The following EPC2 variants were observed in gnomAD, a reference collection of about 807,000 sequenced individuals.
EPC2 encodes enhancer of polycomb homolog 2.
In EPC2, 14 loss-of-function variants were observed where a neutral mutation model predicts 92.1. The observed-to-expected ratio is 0.15, with a 90% confidence interval of 0.10 to 0.24. EPC2 has a LOEUF of 0.24. EPC2 is among the 10% of genes least tolerant of loss of function. The pLI is 1.00. For missense variants in EPC2, 755 were observed against 971.5 expected (o/e 0.78, Z 2.96); for synonymous variants, 340 against 334.7 (o/e 1.02, Z -0.17).
intron 2 of EPC2, among the ~76,000 whole-genome samples, chr2:148,717,448 T>A (rs1682283516): frequency 6.6e-6 from 1 of 152,206 alleles, no homozygotes; most frequent in Non-Finnish European, 1.5e-5. Context: ...GTATCTTTGT[T>A]CTCATTAGTT....
At chr2:148,776,856 C>CTCTCTTTTTTTTTTTTTTTTTTTTTTTTT (rs1247135854) in intron 10 of EPC2, among the ~76,000 whole-genome samples, 2 of 101,042 alleles carry the variant, frequency 2.0e-5, no homozygotes, top group African/African-American at 7.4e-5. Context: ...GTCTCTCTCT[C>CTCTCTTTTTTTTTTTTTTTTTTTTTTTTT]TTTTTTTTTT....
intron 1 of EPC2, among the ~76,000 whole-genome samples, chr2:148,655,146 G>A (rs1474832473): frequency 6.6e-6 from 1 of 152,216 alleles, no homozygotes; most frequent in Non-Finnish European, 1.5e-5. Flanking sequence ...GGTTGTATGA[G>A]ACGGTCACTG....
intron 7 of EPC2, among the ~76,000 whole-genome samples, chr2:148,766,228 T>C (rs1683405603): frequency 6.6e-6 from 1 of 152,252 alleles, no homozygotes; most frequent in Non-Finnish European, 1.5e-5. Flanking sequence ...AAACTTTCTT[T>C]TAAAAACCAA....
In EPC2 at chr2:148,690,325, T is replaced by G; in HGVS notation, c.265T>G (p.Leu89Val). 1 of 1,611,976 alleles carries G rather than the reference T, an allele frequency of 6.2e-7. No individual in the cohort carries two copies. The highest frequency in any genetic ancestry group is 8.5e-7 in the Non-Finnish European group (1 of 1,179,300). Reference protein sequence around the residue: ...AESNVNYYNRLYKGEFKQPKQ... With the variant: ...AESNVNYYNRVYKGEFKQPKQ... Reference sequence around the variant, plus strand: ...GAGCAACGTCAACTATTACAATCGCTTGTACAAAGGAGAGTTTAAACAGCC... The same window carrying G: ...GAGCAACGTCAACTATTACAATCGCGTGTACAAAGGAGAGTTTAAACAGCC... The change falls in exon 2 of 14, where the codon TTG (leucine) becomes GTG (valine). Residue 89 changes from leucine (L) to valine (V), a missense_variant. By Grantham distance (32) the Leu-to-Val change is conservative. Transcript: ENST00000258484.
intron 2 of EPC2, among the ~76,000 whole-genome samples, chr2:148,697,013 T>C (rs1681760879): frequency 6.6e-6 from 1 of 152,252 alleles, no homozygotes; most frequent in Non-Finnish European, 1.5e-5. Flanking sequence ...TACATCCTGT[T>C]ATGGTTTGCA....
intron 1 of EPC2, among the ~76,000 whole-genome samples, chr2:148,670,735 C>T (rs951163095): frequency 1.8e-4 from 27 of 152,206 alleles, no homozygotes; most frequent in Admixed American, 3.9e-4. Flanking sequence ...CCCTTCCCCT[C>T]GGTCTCACTC....
intron 10 of EPC2, among the ~76,000 whole-genome samples, chr2:148,775,174 T>C (rs933933357): frequency 1.3e-5 from 2 of 151,836 alleles, no homozygotes; most frequent in African/African-American, 4.8e-5. Flanking sequence ...GTGGTGAACA[T>C]GACAATTGAG....
At chr2:148,715,839 T>C (rs1482143783) in intron 2 of EPC2, among the ~76,000 whole-genome samples, 3 of 152,230 alleles carry the variant, frequency 2.0e-5, no homozygotes, top group Non-Finnish European at 4.4e-5. Flanking sequence ...ACAATATTGA[T>C]TCTTCCCACC....
At chr2:148,701,675 A>G (rs1173536827) in intron 2 of EPC2, among the ~76,000 whole-genome samples, 2 of 152,114 alleles carry the variant, frequency 1.3e-5, no homozygotes, top group Non-Finnish European at 2.9e-5. Flanking sequence ...CATGAGAGCT[A>G]TTCGTCTGTC....
chr2:148,766,486 CAG>C (rs1683412094), intron 7 of EPC2, among the ~76,000 whole-genome samples: 1 of 152,094 alleles, frequency 6.6e-6, no homozygotes, highest in South Asian at 2.1e-4. Flanking sequence ...TTACTTTTGT[CAG>C]AGGATCATCT....
intron 1 of EPC2, among the ~76,000 whole-genome samples, chr2:148,646,859 C>T (rs539704531): frequency 2.0e-4 from 30 of 152,128 alleles, no homozygotes; most frequent in Non-Finnish European, 1.9e-4. Flanking sequence ...CGCCTGTAAT[C>T]CCAGCACTTT....
At chr2:148,677,547 G>A (rs1264475363) in intron 1 of EPC2, among the ~76,000 whole-genome samples, 7 of 152,040 alleles carry the variant, frequency 4.6e-5, no homozygotes, top group African/African-American at 1.7e-4. Flanking sequence ...TTGGTGGTAC[G>A]CACTTGTATT....
At chr2:148,645,997 C>A (rs1683791187) in intron 1 of EPC2, among the ~76,000 whole-genome samples, 1 of 152,224 alleles carries the variant, frequency 6.6e-6, no homozygotes, top group Admixed American at 6.5e-5. Context: ...TAATACAGCA[C>A]CTTTTGGGAA....
chr2:148,756,971 G>T (rs1006959471), intron 4 of EPC2, among the ~76,000 whole-genome samples: 1 of 152,188 alleles, frequency 6.6e-6, no homozygotes, highest in African/African-American at 2.4e-5. Context: ...TTGGCCCTGA[G>T]CAGAGACGGT....
chr2:148,753,991 A>T lies in EPC2; in HGVS notation c.524A>T (p.Tyr175Phe), dbSNP rs371415083. The T allele has an allele frequency of 1.8e-5, 29 of 1,612,256 alleles. No homozygotes were observed. The highest frequency in any genetic ancestry group is 2.3e-5 in the Non-Finnish European group (27 of 1,179,216). ...NEDDYLIKAVYDYWVRKRKNC... is the reference protein window; with the variant it reads ...NEDDYLIKAVFDYWVRKRKNC... ...GATGATTACCTTATTAAAGCTGTAT[A>T]TGACTACTGGGTGAGAAAACGTAAA... The change falls in exon 4 of 14, where the codon TAT becomes TTT. Residue 175 changes from tyrosine (Y) to phenylalanine (F), a missense_variant. By Grantham distance (22) the Tyr-to-Phe change is conservative. This residue lies in a region of EPC2 where 509 missense variants were observed against 607.7 expected (regional missense o/e 0.84). Transcript: ENST00000258484.
chr2:148,763,443 CTTTAAT>C (rs1000936057), intron 6 of EPC2, among the ~76,000 whole-genome samples: 33 of 152,186 alleles, frequency 2.2e-4, no homozygotes, highest in Middle Eastern at 3.4e-3. Context: ...CTAATAAAGC[CTTTAAT>C]TTTAAGGAGC....
chr2:148,679,665 A>T (rs1481593901), intron 1 of EPC2, among the ~76,000 whole-genome samples: 1 of 152,074 alleles, frequency 6.6e-6, no homozygotes, highest in Non-Finnish European at 1.5e-5. Context: ...TTTTTGAGAG[A>T]GAGAGGGTCT....
chr2:148,768,203 C>T (rs1417560036), intron 7 of EPC2, among the ~76,000 whole-genome samples: 1 of 152,078 alleles, frequency 6.6e-6, no homozygotes, highest in Admixed American at 6.6e-5. Flanking sequence ...CAGCGTTTAT[C>T]AGAAAAAGAG....
chr2:148,715,704 G>A (rs1370612463), intron 2 of EPC2, among the ~76,000 whole-genome samples: 11 of 151,924 alleles, frequency 7.2e-5, no homozygotes, highest in African/African-American at 1.9e-4. Context: ...TTGGCTACTC[G>A]GGCTCTTTTT....
Sources: gnomAD v4.1 joint callset for allele counts (sites outside exome capture counted in the v4.1 genomes callset) on GRCh38, gnomAD v4.1.1 for gene constraint, gnomAD v4.1.1 regional missense constraint, MANE v1.5 for transcripts, NCBI Gene and HGNC (gene_info 2026-07-23, HGNC 2026-07-21) for gene names.